Variants in SYNPO2 observed in about 807,000 individuals in gnomAD.
SYNPO2 encodes synaptopodin-2.
SYNPO2 carries 56 observed loss-of-function variants against 85.0 expected under a neutral mutation model. The ratio of observed to expected loss-of-function variants is 0.66; its 90% CI spans 0.53 to 0.82. The LOEUF is 0.82. SYNPO2 is among the 40% of genes least tolerant of loss of function. The probability of loss-of-function intolerance (pLI) is 0.00; values close to 1 mark genes in which losing one functional copy is unlikely to be tolerated. For missense variants in SYNPO2, 1,575 were observed against 1,534.2 expected (o/e 1.03, Z -0.44); for synonymous variants, 602 against 591.1 (o/e 1.02, Z -0.27).
Position 119,058,194 on chromosome 4 carries a change from A to G in SYNPO2, c.*260A>G, listed in dbSNP as rs1383784422. On this transcript the variant is annotated 3_prime_UTR_variant, in exon 5 of 5. Transcript: ENST00000307142. ...GCATTACTTGGAAGAAAATTTCACT[A>G]TTTGCATTGATGTGCTGGCATTTAT... 1 of 251,728 alleles carries G rather than the reference A, an allele frequency of 4.0e-6. No homozygotes were observed. The highest frequency in any genetic ancestry group is 7.6e-6 in the Non-Finnish European group (1 of 131,396). 15.6% of individuals were successfully genotyped at this position (251,728 alleles called of 1,614,324 possible). A position where few individuals can be genotyped will look rare whatever the true frequency, so the allele number is the denominator to read the frequency against.
intron 1 of SYNPO2, among the ~76,000 whole-genome samples, chr4:118,943,655 G>C (rs1243332378): frequency 6.6e-6 from 1 of 152,144 alleles, no homozygotes; most frequent in Non-Finnish European, 1.5e-5. Flanking sequence ...CTCTGAGGCA[G>C]GAATTTGGTT....
chr4:118,886,314 G>A (rs1732197906), upstream of SYNPO2, among the ~76,000 whole-genome samples: 1 of 152,132 alleles, frequency 6.6e-6, no homozygotes, highest in African/African-American at 2.4e-5. Context: ...AGGTATACAT[G>A]TGCCATGGTT....
At chr4:118,966,200 CATTT>C (rs1215376483) in intron 1 of SYNPO2, among the ~76,000 whole-genome samples, 1 of 152,128 alleles carries the variant, frequency 6.6e-6, no homozygotes, top group African/African-American at 2.4e-5. Flanking sequence ...CTCAACCATT[CATTT>C]GAGTGGATAG....
At chr4:118,888,744 C>T (rs1732257538), upstream of SYNPO2, 4 of 434,532 alleles carry the variant, frequency 9.2e-6, no homozygotes, top group Non-Finnish European at 8.3e-6. Flanking sequence ...GTGTGTGAAG[C>T]TGCTTTCCTT....
At chr4:119,040,993 C>T (rs950700772) in intron 4 of SYNPO2, among the ~76,000 whole-genome samples, 1 of 152,216 alleles carries the variant, frequency 6.6e-6, no homozygotes, top group African/African-American at 2.4e-5. Context: ...AAACTCCCAG[C>T]TCAGGGCAAG....
intron 1 of SYNPO2, among the ~76,000 whole-genome samples, chr4:118,879,288 G>T (rs993128099): frequency 6.6e-6 from 1 of 152,206 alleles, no homozygotes; most frequent in African/African-American, 2.4e-5. Flanking sequence ...ACACAGAAGT[G>T]CCAATTCAGA....
intron 1 of SYNPO2, among the ~76,000 whole-genome samples, chr4:118,877,589 C>T (rs1578512471): frequency 1.3e-5 from 2 of 152,242 alleles, no homozygotes; most frequent in African/African-American, 4.8e-5. Flanking sequence ...ACGCGGCCAA[C>T]AAGCATATGA....
intron 1 of SYNPO2, among the ~76,000 whole-genome samples, chr4:118,953,397 G>A (rs775326558): frequency 1.3e-5 from 2 of 152,142 alleles, no homozygotes; most frequent in African/African-American, 4.8e-5. Context: ...CCTGAGCAGG[G>A]CAGTGATGAC....
intron 1 of SYNPO2, among the ~76,000 whole-genome samples, chr4:118,891,825 T>C (rs1732388558): frequency 6.6e-6 from 1 of 152,064 alleles, no homozygotes; most frequent in South Asian, 2.1e-4. Context: ...AATTTGGGAG[T>C]TGAAGGAAAA....
intron 1 of SYNPO2, among the ~76,000 whole-genome samples, chr4:118,894,306 C>A (rs767163656): frequency 3.3e-5 from 5 of 152,036 alleles, no homozygotes; most frequent in African/African-American, 4.8e-5. Flanking sequence ...GCACTGTGAG[C>A]AGGTCATAAT....
chr4:119,022,649 C>G (rs1383527216), intron 1 of SYNPO2, among the ~76,000 whole-genome samples: 3 of 116,196 alleles, frequency 2.6e-5, no homozygotes, highest in Non-Finnish European at 5.9e-5. Flanking sequence ...AGCCACTGTG[C>G]CTGGCCTGAA....
At chr4:118,975,772 C>T (rs1287985415) in intron 1 of SYNPO2, among the ~76,000 whole-genome samples, 1 of 152,088 alleles carries the variant, frequency 6.6e-6, no homozygotes, top group East Asian at 1.9e-4. Context: ...CAGTCTCATA[C>T]CCCAAAAAAC....
intron 1 of SYNPO2, among the ~76,000 whole-genome samples, chr4:118,913,763 T>C (rs1397918277): frequency 6.6e-6 from 1 of 152,178 alleles, no homozygotes; most frequent in African/African-American, 2.4e-5. Flanking sequence ...TAAAAGATAC[T>C]TTTACAACTT....
chr4:118,996,126 C>G (rs1736585495), intron 1 of SYNPO2, among the ~76,000 whole-genome samples: 1 of 152,200 alleles, frequency 6.6e-6, no homozygotes, highest in Non-Finnish European at 1.5e-5. Context: ...TCTCTCATGA[C>G]TCTCTTCCTT....
chr4:118,878,322 A>G (rs1731964987), intron 1 of SYNPO2, among the ~76,000 whole-genome samples: 1 of 152,208 alleles, frequency 6.6e-6, no homozygotes, highest in African/African-American at 2.4e-5. Flanking sequence ...TACCTGTAAA[A>G]CAAACTTGCA....
chr4:119,034,684 G>T (rs1047881052), intron 4 of SYNPO2: 1 of 985,386 alleles, frequency 1.0e-6, no homozygotes, highest in South Asian at 4.7e-5. Flanking sequence ...TCACTCTGAG[G>T]GAGATGGGAA....
rs780778066 is a variant in SYNPO2, at chr4:119,031,809, A to G, written c.3034A>G (p.Asn1012Asp). ...MKQALPPRPVNAASPTNVQAS... is the reference protein window; with the variant it reads ...MKQALPPRPVDAASPTNVQAS... ...GCAAGCTCTTCCTCCCCGGCCAGTG[A>G]ATGCTGCCTCACCTACGAATGTGCA... Residue 1012 changes from asparagine to aspartate, a missense_variant, in exon 4 of 5, where the codon AAT becomes GAT. Around this residue, in one of 3 missense-constraint regions of SYNPO2, gnomAD observed 1,508 missense variants for 1,446.8 expected, o/e 1.04. Coordinates refer to ENST00000307142, the MANE Select transcript of SYNPO2 (RefSeq NM_133477.3). 6.2e-7 allele frequency: 1 copy of G among 1,614,054 alleles called. No homozygotes were observed. Among genetic ancestry groups the G allele is most frequent in the African/African-American group, 1.3e-5 (1 of 74,912 alleles).
chr4:118,923,297 A>G (rs1038491126), intron 1 of SYNPO2, among the ~76,000 whole-genome samples: 14 of 152,172 alleles, frequency 9.2e-5, no homozygotes, highest in African/African-American at 3.1e-4. Flanking sequence ...GCAGGAACAG[A>G]AAACCAAATA....
chr4:118,945,905 C>T (rs545480831), intron 1 of SYNPO2, among the ~76,000 whole-genome samples: 4 of 152,114 alleles, frequency 2.6e-5, no homozygotes, highest in Non-Finnish European at 5.9e-5. Flanking sequence ...ACCACCACAC[C>T]TGGCTAATTT....
Sources: gnomAD v4.1 joint callset for allele counts (sites outside exome capture counted in the v4.1 genomes callset) on GRCh38, gnomAD v4.1.1 for gene constraint, gnomAD v4.1.1 regional missense constraint, MANE v1.5 for transcripts, NCBI Gene and HGNC (gene_info 2026-07-23, HGNC 2026-07-21) for gene names.